Variants in COL12A1 observed in about 807,000 individuals in gnomAD.
COL12A1 encodes the protein collagen type XII alpha 1 chain.
In COL12A1, 114 loss-of-function variants were observed where a neutral mutation model predicts 349.7. The ratio of observed to expected loss-of-function variants is 0.33; its 90% CI spans 0.28 to 0.38. COL12A1 has a LOEUF of 0.38. Among genes scored for constraint, COL12A1 ranks in the 10% least tolerant of loss-of-function variants. The pLI is 1.00. For synonymous variants in COL12A1, 1,369 were observed against 1,329.0 expected, an observed-to-expected ratio of 1.03 and a Z score of -0.66; for missense variants, 3,284 against 3,756.9, an observed-to-expected ratio of 0.87 and a Z score of 3.29.
chr6:75,175,199 G>A lies in COL12A1; in HGVS notation c.2549C>T (p.Pro850Leu). ...CTCTTGAGTTTCACCCCCTGCCACTGGGGTATATGTGACGAGATACTGTTT... is the reference window on the plus strand; with the variant it reads ...CTCTTGAGTTTCACCCCCTGCCACTAGGGTATATGTGACGAGATACTGTTT... ...KVKQYLVTYT[P>L]VAGGETQEVT... The change falls in exon 13 of 66, where the codon CCA becomes CTA. Residue 850 changes from proline (P) to leucine (L), a missense_variant. By Grantham distance (98) the Pro-to-Leu change is moderately conservative. This residue lies in a region of COL12A1 where 2,601 missense variants were observed against 2,824.8 expected (regional missense o/e 0.92). Transcript: ENST00000322507. 6.2e-7 allele frequency: 1 copy of A among 1,614,128 alleles called. No individual in the cohort carries two copies. Among genetic ancestry groups the A allele is most frequent in the Non-Finnish European group, 8.5e-7 (1 of 1,180,022 alleles).
chr6:75,129,667 A>C (rs1371429346), intron 37 of COL12A1, among the ~76,000 whole-genome samples: 1 of 152,222 alleles, frequency 6.6e-6, no homozygotes, highest in East Asian at 1.9e-4. Flanking sequence ...ATCAATTAAC[A>C]CTGGAATATT....
In COL12A1 at chr6:75,156,358, G is replaced by A. The variant is rs1376226675; in HGVS notation, c.3149C>T (p.Thr1050Ile). Residue 1050 changes from threonine to isoleucine, a missense_variant, in exon 15 of 66, where the codon ACA becomes ATA. Thr to Ile is a moderately conservative substitution (Grantham distance 89). Around this residue, in one of 2 missense-constraint regions of COL12A1, gnomAD observed 2,601 missense variants for 2,824.8 expected, o/e 0.92. Coordinates refer to ENST00000322507, the MANE Select transcript of COL12A1 (RefSeq NM_004370.6). ...CTGTGGCTGAAGTCGCTTTAACACT[G>A]TCGAAGTGACTGTGGGGGGCACCTT... ...VAKVPPTVTS[T>I]VLKRLQPQTT... The A allele has an allele frequency of 3.1e-6, 5 of 1,613,830 alleles. No individual in the cohort carries two copies. The Admixed American group carries it at 6.7e-5, about 22-fold the overall frequency.
In COL12A1 at chr6:75,152,196, C is replaced by G. The variant is rs1582139715; in HGVS notation, c.3770G>C (p.Arg1257Thr). The change falls in exon 19 of 66, where the codon AGA becomes ACA. Residue 1257 changes from arginine to threonine, a missense_variant. By Grantham distance (71) the Arg-to-Thr change is moderately conservative (BLOSUM62 -1). Around this residue, in one of 2 missense-constraint regions of COL12A1, gnomAD observed 2,601 missense variants for 2,824.8 expected, o/e 0.92. Transcript: ENST00000322507. ...PRTEWQLNAHRDKKSLLQAVA... is the reference protein window; with the variant it reads ...PRTEWQLNAHTDKKSLLQAVA... ...AGCTTGCAACAAGCTCTTCTTGTCT[C>G]TGTGTGCATTTAACTGCCACTCTGT... 2 of 1,613,812 alleles carry G rather than the reference C, an allele frequency of 1.2e-6. No homozygotes were observed. The highest frequency in any genetic ancestry group is 1.3e-5 in the African/African-American group (1 of 75,028).
At chr6:75,141,902 A>G in intron 27 of COL12A1, 130 bp downstream of exon 27, 1 of 1,150,292 alleles carries the variant, frequency 8.7e-7, no homozygotes. Flanking sequence ...GTGAAAAACA[A>G]TCTATGAATC....
chr6:75,134,823 G>A lies in COL12A1; in HGVS notation c.5427C>T (p.Val1809=). 6.2e-7 allele frequency: 1 copy of A among 1,612,890 alleles called. No individual in the cohort carries two copies. The highest frequency in any genetic ancestry group is 8.5e-7 in the Non-Finnish European group (1 of 1,179,188). ...GAGTGTCTGGCTTCAGTTTCTGCAGGACCACACTGTTCTGCCGTCCTCCTA... is the reference window on the plus strand; with the variant it reads ...GAGTGTCTGGCTTCAGTTTCTGCAGAACCACACTGTTCTGCCGTCCTCCTA... ...TTIGGRQNSV[V]LQKLKPDTPY... is the part of the protein sequence containing the mutation. Residue 1809 remains valine (V), a synonymous_variant, in exon 32 of 66, where the codon GTC becomes GTT. Coordinates refer to ENST00000322507, the MANE Select transcript of COL12A1 (RefSeq NM_004370.6).
chr6:75,194,750 A>C, intron 3 of COL12A1, 81 bp downstream of exon 3: 2 of 863,710 alleles, frequency 2.3e-6, no homozygotes, highest in Non-Finnish European at 3.6e-6. Context: ...CAGCTTCTTC[A>C]TGATGAAAGG....
Position 75,204,782 on chromosome 6 carries a change from T to TCA in COL12A1, c.-36+993_-36+994dup, listed in dbSNP as rs143188469. ...CTCCCGCGTCCAGTTAAAAAGAAAA[T>TCA]CACACACACACACACACACCGCGTG... On this transcript the variant is annotated intron_variant, in intron 1 of 65. Coordinates refer to ENST00000322507, the MANE Select transcript of COL12A1 (RefSeq NM_004370.6). Among the ~76,000 whole-genome samples, 810 of 149,930 alleles carry TCA rather than the reference T, an allele frequency of 5.4e-3. 10 individuals carry two copies. The highest frequency in any genetic ancestry group is 0.015 in the African/African-American group (608 of 40,886).
rs891287374 is a variant in COL12A1, at chr6:75,145,289, G to T, written c.4690+37C>A. The T allele has an allele frequency of 2.0e-6, 3 of 1,532,212 alleles. No individual in the cohort carries two copies. In the Admixed American group the frequency reaches 5.5e-5, roughly 28 times the overall value. The allele number at this position is 1,532,212 out of a possible 1,614,324, so 94.9% of individuals were successfully genotyped here. A position where few individuals can be genotyped will look rare whatever the true frequency, so the allele number is the denominator to read the frequency against. ...AATTCTAATGAACATTATGCTCACA[G>T]CAATAAGAAGGGAAATAAAACTAAG... On this transcript the variant is annotated intron_variant, in intron 25 of 65. Coordinates refer to ENST00000322507, the MANE Select transcript of COL12A1 (RefSeq NM_004370.6).
chr6:75,092,502 GCAA>G (rs1284409972), intron 60 of COL12A1, among the ~76,000 whole-genome samples: 1 of 152,108 alleles, frequency 6.6e-6, no homozygotes, highest in Non-Finnish European at 1.5e-5. Context: ...TCCTTAGAGT[GCAA>G]CAAGTTTTTG....
chr6:75,151,669 G>A (rs780764854), intron 20 of COL12A1, among the ~76,000 whole-genome samples, 198 bp downstream of exon 20: 24 of 151,728 alleles, frequency 1.6e-4, no homozygotes, highest in African/African-American at 2.4e-4. Flanking sequence ...ATTAATTTTC[G>A]TTTAAGAAAC....
chr6:75,097,669 T>C (rs1397153338), intron 58 of COL12A1, among the ~76,000 whole-genome samples: 1 of 152,178 alleles, frequency 6.6e-6, no homozygotes, highest in African/African-American at 2.4e-5. Flanking sequence ...AAGGAAGATT[T>C]ACCCATTCTA....
chr6:75,148,203 C>T (rs1308330470), intron 22 of COL12A1, among the ~76,000 whole-genome samples, 155 bp downstream of exon 22: 1 of 152,128 alleles, frequency 6.6e-6, no homozygotes, highest in Non-Finnish European at 1.5e-5. Context: ...GAAATGCCTG[C>T]CTAGCAAAGT....
At position 75,137,320 on chromosome 6, in the gene COL12A1, G is replaced by A. The variant is rs240734; in HGVS notation, c.5394+117C>T. On this transcript the variant is annotated intron_variant, in intron 31 of 65. Transcript: ENST00000322507. ...AGAGTCAGATTATTCCATCCAATGC[G>A]ATAAATCTTAATATCCCTTAAAAAG... 291,647 of 954,148 alleles carry A rather than the reference G, an allele frequency of 0.31. 46,647 individuals carry two copies. Among genetic ancestry groups the A allele is most frequent in the African/African-American group, 0.54 (31,976 of 59,722 alleles). 59.1% of individuals were successfully genotyped at this position (954,148 alleles called of 1,614,324 possible).
At chr6:75,102,454 G>A (rs1388293041) in intron 56 of COL12A1, 143 bp downstream of exon 56, 1 of 529,158 alleles carries the variant, frequency 1.9e-6, no homozygotes, top group East Asian at 3.4e-5. Context: ...TAAAATAACA[G>A]TCATCATAGA....
chr6:75,181,401 A>G (rs944540933), intron 10 of COL12A1, among the ~76,000 whole-genome samples, 190 bp from the exon 11 acceptor site: 8 of 152,174 alleles, frequency 5.3e-5, no homozygotes, highest in African/African-American at 1.9e-4. Context: ...CAACCCAACA[A>G]GAGATCTTGA....
intron 14 of COL12A1, among the ~76,000 whole-genome samples, chr6:75,163,710 T>C (rs926650215): frequency 2.0e-5 from 3 of 152,128 alleles, no homozygotes; most frequent in Non-Finnish European, 4.4e-5. Flanking sequence ...TGTTCATCAA[T>C]GTTTAAATCA....
intron 2 of COL12A1, 68 bp from the exon 3 acceptor site, chr6:75,195,015 G>T: frequency 1.2e-6 from 1 of 862,530 alleles, no homozygotes; most frequent in Non-Finnish European, 1.8e-6. Context: ...AATTAATAAA[G>T]AATTGTGTTG....
At chr6:75,137,310 C>T in intron 31 of COL12A1, 127 bp downstream of exon 31, 2 of 846,018 alleles carry the variant, frequency 2.4e-6, no homozygotes, top group South Asian at 3.8e-5. Flanking sequence ...CAGATTATTC[C>T]ATCCAATGCG....
intron 13 of COL12A1, among the ~76,000 whole-genome samples, chr6:75,167,026 T>C (rs924805797): frequency 6.6e-6 from 1 of 152,134 alleles, no homozygotes; most frequent in African/African-American, 2.4e-5. Context: ...AGGAAATTAG[T>C]TACATATTTC....
Sources: allele counts gnomAD v4.1 joint callset (sites outside exome capture counted in the v4.1 genomes callset), GRCh38; gene constraint gnomAD v4.1.1; regional missense constraint gnomAD v4.1.1; transcripts MANE v1.5; gene names NCBI Gene and HGNC (gene_info 2026-07-23, HGNC 2026-07-21).